RCL1: variants seen among roughly 807,000 people sequenced by gnomAD.
The protein encoded by RCL1 is RNA terminal phosphate cyclase like 1, also known as RNA 3'-terminal phosphate cyclase-like protein.
Under a neutral mutation model 42.4 loss-of-function variants are expected in RCL1, and 24 were observed. That is an observed-to-expected ratio of 0.57 (90% CI 0.41 to 0.80). The LOEUF (loss-of-function observed/expected upper bound fraction) is 0.80. Ranked by LOEUF, RCL1 falls within the 30% of genes least tolerant of loss-of-function variation. RCL1 has a pLI of 0.00. For missense variants in RCL1, 578 were observed against 467.9 expected (o/e 1.24, Z -2.17); for synonymous variants, 228 against 177.3 (o/e 1.29, Z -2.27).
At chr9:4,822,852 ATT>A (rs1246795234) in intron 1 of RCL1, among the ~76,000 whole-genome samples, 2 of 152,144 alleles carry the variant, frequency 1.3e-5, no homozygotes, top group Non-Finnish European at 2.9e-5. Flanking sequence ...ATAAAATTAA[ATT>A]TATATAAAAT....
intron 5 of RCL1, chr9:4,839,962 G>A (rs1222063788): frequency 1.0e-6 from 1 of 957,102 alleles, no homozygotes; most frequent in Non-Finnish European, 1.2e-6. Flanking sequence ...TCAGGTTGAG[G>A]AATTTGGTCA....
At chr9:4,841,120 T>C in intron 5 of RCL1, 112 bp from the exon 6 acceptor site, 1 of 1,127,828 alleles carries the variant, frequency 8.9e-7, no homozygotes, top group Non-Finnish European at 1.3e-6. Context: ...AAACAATAGA[T>C]TTGGAAGTCC....
intron 1 of RCL1, among the ~76,000 whole-genome samples, chr9:4,818,868 T>A (rs1459315276): frequency 1.1e-5 from 1 of 89,498 alleles, no homozygotes; most frequent in Admixed American, 1.1e-4. Context: ...CAAGACTCTG[T>A]CTCAAAAAAA....
chr9:4,816,396 G>T (rs2130989309), intron 1 of RCL1, among the ~76,000 whole-genome samples: 1 of 152,190 alleles, frequency 6.6e-6, no homozygotes, highest in South Asian at 2.1e-4. Context: ...GAACTTTAAA[G>T]TCTTCTGTTT....
rs1311617518 is a variant in RCL1 at position 4,856,160 on chromosome 9, C to T, written c.972-3965C>T. 2.0e-5 allele frequency among the ~76,000 whole-genome samples: 3 copies of T among 152,160 alleles called. No individual in the cohort carries two copies. In the East Asian group the frequency reaches 5.8e-4, roughly 29 times the overall value. ...GTTGCCGCCAGCTGGAAGCTTTGCC[C>T]ACAGATGTGGACTGTTTATCTGTGG... On this transcript the variant is annotated intron_variant, in intron 8 of 8. Transcript: ENST00000381750.
intron 1 of RCL1, among the ~76,000 whole-genome samples, chr9:4,806,627 CACACACAT>C (rs1434435435): frequency 6.7e-6 from 1 of 148,914 alleles, no homozygotes; most frequent in Non-Finnish European, 1.5e-5. Flanking sequence ...CACACACACA[CACACACAT>C]ATACTTACAT....
In RCL1 at chr9:4,825,021, C is replaced by T. The variant is rs546051510; in HGVS notation, c.208+1402C>T. Among the ~76,000 whole-genome samples, 23 of 152,212 alleles carry T rather than the reference C, an allele frequency of 1.5e-4. No individual in the cohort carries two copies. The South Asian group carries it at 4.4e-3, about 29-fold the overall frequency. On this transcript the variant is annotated intron_variant, in intron 2 of 8. Transcript: ENST00000381750. ...CTGCCTCCCGGGTTCAAACGATTCTCCTGCCTTAGCCTCCCCAGTAGCTGG... is the reference window on the plus strand; with the variant it reads ...CTGCCTCCCGGGTTCAAACGATTCTTCTGCCTTAGCCTCCCCAGTAGCTGG...
At chr9:4,817,906 T>C (rs929048349) in intron 1 of RCL1, among the ~76,000 whole-genome samples, 1 of 142,944 alleles carries the variant, frequency 7.0e-6, no homozygotes, top group Non-Finnish European at 1.5e-5. Flanking sequence ...CTCTTACTTT[T>C]CTAAGATTTT....
intron 8 of RCL1, among the ~76,000 whole-genome samples, chr9:4,859,653 C>G (rs929944259): frequency 2.0e-5 from 3 of 152,202 alleles, no homozygotes; most frequent in Middle Eastern, 3.4e-3. Flanking sequence ...GTGTTTCTGT[C>G]TTTGTATAGG....
chr9:4,856,651 A>C (rs2129748244), intron 8 of RCL1, among the ~76,000 whole-genome samples: 1 of 152,284 alleles, frequency 6.6e-6, no homozygotes, highest in African/African-American at 2.4e-5. Context: ...GGTGGGAAAG[A>C]TCGTTTGGGG....
At chr9:4,852,868 A>G (rs566759758) in intron 8 of RCL1, among the ~76,000 whole-genome samples, 13 of 152,056 alleles carry the variant, frequency 8.5e-5, no homozygotes, top group East Asian at 7.7e-4. Context: ...CAGGAGGCCT[A>G]GTAAACTTGC....
At chr9:4,824,401 T>C (rs934153433) in intron 2 of RCL1, among the ~76,000 whole-genome samples, 1 of 145,310 alleles carries the variant, frequency 6.9e-6, no homozygotes, top group Non-Finnish European at 1.5e-5. Flanking sequence ...TTTTTGCTAG[T>C]ACAAATGTCT....
At chr9:4,839,730 AT>A (rs1817251286) in intron 5 of RCL1, 1 of 981,958 alleles carries the variant, frequency 1.0e-6, no homozygotes, top group East Asian at 1.1e-4. Context: ...TTTATTGAGC[AT>A]TTCTGAGTAC....
intron 8 of RCL1, among the ~76,000 whole-genome samples, chr9:4,851,859 G>A (rs1817760863): frequency 6.7e-6 from 1 of 149,122 alleles, no homozygotes; most frequent in South Asian, 2.1e-4. Flanking sequence ...TGCTACTTGA[G>A]AAAGTAAGTC....
At chr9:4,839,426 A>G (rs1817239772) in intron 5 of RCL1, 1 of 152,262 alleles carries the variant, frequency 6.6e-6, no homozygotes, top group African/African-American at 2.4e-5. Context: ...GCATAAAGTA[A>G]GGTGATAATA....
At chr9:4,829,574 A>G (rs951447259) in intron 3 of RCL1, among the ~76,000 whole-genome samples, 1 of 152,226 alleles carries the variant, frequency 6.6e-6, no homozygotes, top group Non-Finnish European at 1.5e-5. Context: ...GAGACAGGTC[A>G]TCACGATCTT....
At chr9:4,803,494 A>G (rs924989903) in intron 1 of RCL1, among the ~76,000 whole-genome samples, 1 of 152,026 alleles carries the variant, frequency 6.6e-6, no homozygotes, top group African/African-American at 2.4e-5. Context: ...TATATCCACA[A>G]CTTCCAGTCA....
In RCL1 at chr9:4,815,166, C is replaced by G. The variant is rs78450312; in HGVS notation, c.137-8382C>G. ...CTGTATGTTCATACCTCTTATCAGC[C>G]TTGGGAGCTTTTCACCTATTTCATT... On this transcript the variant is annotated intron_variant, in intron 1 of 8. Transcript: ENST00000381750. Among the ~76,000 whole-genome samples the G allele has an allele frequency of 2.3e-4, 35 of 152,232 alleles. 2 individuals are homozygous for G. In the East Asian group the frequency reaches 6.8e-3, roughly 29 times the overall value.
chr9:4,848,539 G>A (rs1351310822), intron 7 of RCL1, among the ~76,000 whole-genome samples: 1 of 152,240 alleles, frequency 6.6e-6, no homozygotes, highest in Non-Finnish European at 1.5e-5. Flanking sequence ...GCCTTGGTCA[G>A]ACTGGATTTC....
Sources: allele counts gnomAD v4.1 joint callset (sites outside exome capture counted in the v4.1 genomes callset), GRCh38; gene constraint gnomAD v4.1.1; transcripts MANE v1.5; gene names NCBI Gene and HGNC (gene_info 2026-07-23, HGNC 2026-07-21).